The following KCNAB1 variants were observed in gnomAD, a reference collection of about 807,000 sequenced individuals.
The protein encoded by KCNAB1 is voltage-gated potassium channel subunit beta-1.
Under a neutral mutation model 64.6 loss-of-function variants are expected in KCNAB1, and 35 were observed. The ratio of observed to expected loss-of-function variants is 0.54; its 90% CI spans 0.41 to 0.72. KCNAB1 has a LOEUF of 0.72. Among genes scored for constraint, KCNAB1 ranks in the 30% least tolerant of loss-of-function variants. The pLI is 0.00. For missense variants in KCNAB1, 401 were observed against 512.9 expected (o/e 0.78, Z 2.11); for synonymous variants, 177 against 183.8 (o/e 0.96, Z 0.30).
intron 2 of KCNAB1, among the ~76,000 whole-genome samples, chr3:156,445,699 A>G (rs1711507717): frequency 6.6e-6 from 1 of 152,242 alleles, no homozygotes; most frequent in Non-Finnish European, 1.5e-5. Context: ...TTTAAAATTT[A>G]AATTAAACTT....
rs553089382 is a variant in KCNAB1 at position 156,252,728 on chromosome 3, C to G, written c.275+131842C>G. Among the ~76,000 whole-genome samples, 55 of 152,286 alleles carry G rather than the reference C, an allele frequency of 3.6e-4. 1 individual carries two copies. The highest frequency in any genetic ancestry group is 1.5e-5 in the Non-Finnish European group (1 of 68,034). On this transcript the variant is annotated intron_variant, in intron 1 of 13. Transcript: ENST00000490337. The stretch of plus-strand genomic sequence containing the variant: ...CCAAGATGCATTACTTGTAACACTC[C>G]TCATCCTAATCCCCAAAGCACTCAG...
chr3:156,441,394 T>A (rs771156195), intron 2 of KCNAB1: 16 of 152,136 alleles, frequency 1.1e-4, no homozygotes, highest in Admixed American at 2.0e-4. Context: ...TTCTTGACGG[T>A]AGCATTTTTC....
chr3:156,297,514 T>C (rs1485202106), intron 1 of KCNAB1, among the ~76,000 whole-genome samples: 1 of 152,034 alleles, frequency 6.6e-6, no homozygotes. Context: ...AGCTATGGAA[T>C]AAGAAAATTT....
intron 2 of KCNAB1, among the ~76,000 whole-genome samples, chr3:156,442,587 A>G (rs1471184937): frequency 6.6e-6 from 1 of 152,198 alleles, no homozygotes; most frequent in East Asian, 1.9e-4. Context: ...ACTTTAATCA[A>G]TCCCAGATGT....
At chr3:156,365,026 C>T (rs1000168260) in intron 1 of KCNAB1, among the ~76,000 whole-genome samples, 3 of 152,116 alleles carry the variant, frequency 2.0e-5, no homozygotes, top group Non-Finnish European at 2.9e-5. Context: ...TCTCCAGAAA[C>T]GAAGTCTAGC....
At chr3:156,507,752 C>G (rs1202828639) in intron 8 of KCNAB1, among the ~76,000 whole-genome samples, 1 of 152,082 alleles carries the variant, frequency 6.6e-6, no homozygotes, top group Admixed American at 6.5e-5. Flanking sequence ...TTAGTGTTAA[C>G]AGCAACTCCT....
At chr3:156,247,863 T>C (rs1325368142) in intron 1 of KCNAB1, among the ~76,000 whole-genome samples, 1 of 151,658 alleles carries the variant, frequency 6.6e-6, no homozygotes, top group Non-Finnish European at 1.5e-5. Context: ...TGGTGTCCAG[T>C]CTAGGACAGT....
At chr3:156,440,451 T>C (rs1293320151) in intron 2 of KCNAB1, among the ~76,000 whole-genome samples, 5 of 152,208 alleles carry the variant, frequency 3.3e-5, no homozygotes, top group Admixed American at 2.6e-4. Context: ...TCTTTGCTTC[T>C]CCTGAACCAT....
chr3:156,166,534 C>T (rs1711573289), intron 1 of KCNAB1, among the ~76,000 whole-genome samples: 1 of 150,782 alleles, frequency 6.6e-6, no homozygotes, highest in African/African-American at 2.5e-5. Flanking sequence ...CATATATACA[C>T]ACACACACAC....
chr3:156,192,393 A>G (rs1449264143), intron 1 of KCNAB1, among the ~76,000 whole-genome samples: 1 of 152,162 alleles, frequency 6.6e-6, no homozygotes, highest in Non-Finnish European at 1.5e-5. Context: ...GTTTATTGAG[A>G]CTTTTAAAAT....
chr3:156,225,890 C>T (rs1014989102), intron 1 of KCNAB1, among the ~76,000 whole-genome samples: 2 of 152,008 alleles, frequency 1.3e-5, no homozygotes, highest in African/African-American at 4.8e-5. Context: ...AAGACGTCTA[C>T]AAGGAAAATT....
At chr3:156,459,679 G>A (rs540202153) in intron 4 of KCNAB1, 148 bp from the exon 5 acceptor site, 88 of 557,386 alleles carry the variant, frequency 1.6e-4, no homozygotes, top group Non-Finnish European at 2.3e-4. Context: ...CAGAAACAGC[G>A]GAAACTGTGC....
At chr3:156,385,417 A>G (rs997311978) in intron 1 of KCNAB1, among the ~76,000 whole-genome samples, 6 of 149,026 alleles carry the variant, frequency 4.0e-5, no homozygotes, top group African/African-American at 7.7e-5. Flanking sequence ...TGCTTTAGAC[A>G]AAAGGAGGAT....
intron 1 of KCNAB1, among the ~76,000 whole-genome samples, chr3:156,400,542 A>G (rs187972671): frequency 6.6e-6 from 1 of 152,110 alleles, no homozygotes; most frequent in Non-Finnish European, 1.5e-5. Context: ...GTTTTCCATC[A>G]CCTACAGATT....
chr3:156,513,334 T>G (rs1717342336), intron 8 of KCNAB1, among the ~76,000 whole-genome samples: 1 of 150,494 alleles, frequency 6.6e-6, no homozygotes, highest in Non-Finnish European at 1.5e-5. Flanking sequence ...TGCCTGCTCA[T>G]GAGAAATAAT....
chr3:156,467,468 C>T (rs551038879), intron 7 of KCNAB1, among the ~76,000 whole-genome samples: 8 of 152,162 alleles, frequency 5.3e-5, no homozygotes, highest in African/African-American at 1.7e-4. Flanking sequence ...CTCACCACTT[C>T]GAAAATCAAA....
chr3:156,535,109 AT>A (rs1718966049), intron 13 of KCNAB1, among the ~76,000 whole-genome samples: 1 of 152,160 alleles, frequency 6.6e-6, no homozygotes, highest in Non-Finnish European at 1.5e-5. Context: ...GGACACTGAA[AT>A]TCCAGAGCTA....
chr3:156,487,112 T>G (rs1405899065), intron 8 of KCNAB1, among the ~76,000 whole-genome samples: 1 of 152,194 alleles, frequency 6.6e-6, no homozygotes, highest in Non-Finnish European at 1.5e-5. Context: ...ACTCTTAGTT[T>G]CAGAAACAAA....
rs143404117 is a variant in KCNAB1, at chr3:156,313,084, C to T, written c.276-108532C>T. On this transcript the variant is annotated intron_variant, in intron 1 of 13. Coordinates refer to ENST00000490337, the MANE Select transcript of KCNAB1 (RefSeq NM_172160.3). ...AGGAGGTATCGATGGTCTTATACTT[C>T]CACAGCATTAGTAGCAAACAGCAAT... Among the ~76,000 whole-genome samples, 1,169 of 152,276 alleles carry T rather than the reference C, an allele frequency of 7.7e-3. 7 individuals carry two copies. Among genetic ancestry groups the T allele is most frequent in the Middle Eastern group, 0.017 (5 of 294 alleles).
Sources: gnomAD v4.1 joint callset for allele counts (sites outside exome capture counted in the v4.1 genomes callset) on GRCh38, gnomAD v4.1.1 for gene constraint, MANE v1.5 for transcripts, NCBI Gene and HGNC (gene_info 2026-07-23, HGNC 2026-07-21) for gene names.